The following LAMA1 variants were observed in gnomAD, a reference collection of about 807,000 sequenced individuals.
LAMA1 encodes the protein laminin subunit alpha 1.
Under a neutral mutation model 348.7 loss-of-function variants are expected in LAMA1, and 219 were observed. The ratio of observed to expected loss-of-function variants is 0.63; its 90% CI spans 0.56 to 0.70. LAMA1 has a LOEUF of 0.70. Ranked by LOEUF, LAMA1 falls within the 30% of genes least tolerant of loss-of-function variation. The pLI is 0.00. For missense variants in LAMA1, 3,744 were observed against 3,888.0 expected, an observed-to-expected ratio of 0.96 and a Z score of 0.99; for synonymous variants, 1,487 against 1,491.0, an observed-to-expected ratio of 1.00 and a Z score of 0.06.
chr18:6,953,495 G>C (rs774771551), intron 57 of LAMA1, among the ~76,000 whole-genome samples: 1 of 152,168 alleles, frequency 6.6e-6, no homozygotes, highest in Non-Finnish European at 1.5e-5. Context: ...ACTAGCCGAG[G>C]TTTCAGGCAA....
intron 48 of LAMA1, among the ~76,000 whole-genome samples, chr18:6,969,392 G>A (rs954658696): frequency 2.0e-5 from 3 of 152,146 alleles, no homozygotes; most frequent in Admixed American, 2.0e-4. Context: ...TGCAACTCTA[G>A]CCTCTCCCCA....
At chr18:7,080,110 A>G in intron 2 of LAMA1, 23 bp from the exon 3 acceptor site, 2 of 1,592,570 alleles carry the variant, frequency 1.3e-6, no homozygotes, top group Admixed American at 1.7e-5. Context: ...AATAAAAAAC[A>G]TGAATTCCTC....
rs2057872704 is a variant in LAMA1, at chr18:7,013,865, C to T, written c.3313G>A (p.Glu1105Lys). ...RGTSGDACNL[E>K]QGLCGCVEET... ...TCCACACAGCCGCAGAGACCCTGCT[C>T]CAGGTTGCAGGCGTCCCCCGACGTC... is the stretch of plus-strand genomic sequence containing the variant. Residue 1105 changes from glutamate (E) to lysine (K), a missense_variant, in exon 23 of 63, where the codon GAG becomes AAG. This residue lies in a region of LAMA1 where 1,529 missense variants were observed against 1,689.4 expected (regional missense o/e 0.91). Coordinates refer to ENST00000389658, the MANE Select transcript of LAMA1 (RefSeq NM_005559.4). The T allele has an allele frequency of 2.0e-5, 32 of 1,611,974 alleles. No individual in the cohort carries two copies. Among genetic ancestry groups the T allele is most frequent in the Non-Finnish European group, 2.5e-5 (30 of 1,179,086 alleles).
At chr18:7,057,466 C>CT (rs1171366957) in intron 3 of LAMA1, among the ~76,000 whole-genome samples, 3 of 125,580 alleles carry the variant, frequency 2.4e-5, no homozygotes, top group African/African-American at 9.4e-5. Flanking sequence ...CTTTTCTTTT[C>CT]TTTTCTTTTT....
rs749851433 is a variant in LAMA1 at position 6,971,940 on chromosome 18, C to G, written c.6816G>C (p.Leu2272Phe). 3.7e-6 allele frequency: 6 copies of G among 1,614,054 alleles called. No individual in the cohort carries two copies. Among genetic ancestry groups the G allele is most frequent in the Admixed American group, 1.7e-5 (1 of 60,016 alleles). ...AVKVTHFKGCLGEAFLNGKSI... is the reference protein window; with the variant it reads ...AVKVTHFKGCFGEAFLNGKSI... Reference sequence around the variant, plus strand: ...ATTTTCCATTCAGGAAGGCCTCCCCCAAGCAGCCTTTAAAATGAGTAACCT... The same window carrying G: ...ATTTTCCATTCAGGAAGGCCTCCCCGAAGCAGCCTTTAAAATGAGTAACCT... Residue 2272 changes from leucine to phenylalanine, a missense_variant, in exon 48 of 63, where the codon TTG becomes TTC. By Grantham distance (22) the Leu-to-Phe change is conservative. Around this residue, in one of 3 missense-constraint regions of LAMA1, gnomAD observed 1,983 missense variants for 1,934.3 expected, o/e 1.03. Coordinates refer to ENST00000389658, the MANE Select transcript of LAMA1 (RefSeq NM_005559.4).
intron 46 of LAMA1, among the ~76,000 whole-genome samples, chr18:6,974,455 C>CTTTTTTT (rs1213269695): frequency 3.9e-5 from 5 of 128,290 alleles, no homozygotes; most frequent in African/African-American, 1.2e-4. Context: ...TATTTCTTTT[C>CTTTTTTT]TTTTTTTTTT....
chr18:6,971,906 G>T lies in LAMA1; in HGVS notation c.6850C>A (p.Leu2284Ile). 2 of 1,614,036 alleles carry T rather than the reference G, an allele frequency of 1.2e-6. No individual in the cohort carries two copies. The highest frequency in any genetic ancestry group is 4.5e-5 in the East Asian group (2 of 44,856). Residue 2284 changes from leucine to isoleucine, a missense_variant, in exon 48 of 63, where the codon CTA (leucine) becomes ATA (isoleucine). Coordinates refer to ENST00000389658, the MANE Select transcript of LAMA1 (RefSeq NM_005559.4). ...CCTTCCCTTTCAATATAGTTCCATAGGCCTATGGATTTTCCATTCAGGAAG... is the reference window on the plus strand; with the variant it reads ...CCTTCCCTTTCAATATAGTTCCATATGCCTATGGATTTTCCATTCAGGAAG... ...EAFLNGKSIG[L>I]WNYIEREGKC...
At chr18:7,106,593 C>G (rs1390066572) in intron 1 of LAMA1, among the ~76,000 whole-genome samples, 1 of 152,072 alleles carries the variant, frequency 6.6e-6, no homozygotes, top group Non-Finnish European at 1.5e-5. Context: ...CTCTTGACCT[C>G]GTGATCCACC....
intron 5 of LAMA1, among the ~76,000 whole-genome samples, chr18:7,047,005 A>G (rs2058044153): frequency 6.6e-6 from 1 of 151,702 alleles, no homozygotes; most frequent in Non-Finnish European, 1.5e-5. Context: ...TGTCATCTAC[A>G]AATAATAACA....
rs775263506 is a variant in LAMA1 at position 7,050,885 on chromosome 18, C to T, written c.397G>A (p.Gly133Arg). 32 of 1,614,000 alleles carry T rather than the reference C, an allele frequency of 2.0e-5. No individual in the cohort carries two copies. Among genetic ancestry groups the T allele is most frequent in the African/African-American group, 4.0e-5 (3 of 74,900 alleles). Residue 133 changes from glycine to arginine, a missense_variant, in exon 4 of 63, where the codon GGA becomes AGA. By Grantham distance (125) the Gly-to-Arg change is moderately radical. Around this residue, in one of 3 missense-constraint regions of LAMA1, gnomAD observed 1,529 missense variants for 1,689.4 expected, o/e 0.91. Coordinates refer to ENST00000389658, the MANE Select transcript of LAMA1 (RefSeq NM_005559.4). ...IIKAANAPRP[G>R]NWILERSLDG... ...AGAGAACGCTCCAAAATCCAGTTTCCAGGTCGAGGGGCATTGGCAGCTTTA... is the reference window on the plus strand; with the variant it reads ...AGAGAACGCTCCAAAATCCAGTTTCTAGGTCGAGGGGCATTGGCAGCTTTA...
intron 22 of LAMA1, 130 bp downstream of exon 22, chr18:7,015,592 T>TG (rs2057883481): frequency 8.0e-7 from 1 of 1,243,956 alleles, no homozygotes. Flanking sequence ...CATTGAGTTT[T>TG]TTTTTTTTTT....
intron 17 of LAMA1, among the ~76,000 whole-genome samples, chr18:7,025,710 T>C (rs919948956): frequency 1.3e-5 from 2 of 152,202 alleles, no homozygotes; most frequent in Non-Finnish European, 2.9e-5. Flanking sequence ...CATATACTTG[T>C]GAAACAACTG....
At position 7,038,912 on chromosome 18, in the gene LAMA1, T is replaced by C; in HGVS notation, c.1461A>G (p.Pro487=). 1 of 1,614,050 alleles carries C rather than the reference T, an allele frequency of 6.2e-7. No homozygotes were observed. The highest frequency in any genetic ancestry group is 8.5e-7 in the Non-Finnish European group (1 of 1,179,888). Residue 487 remains proline, a synonymous_variant, in exon 11 of 63, where the codon CCA becomes CCG. Coordinates refer to ENST00000389658, the MANE Select transcript of LAMA1 (RefSeq NM_005559.4). ...VEGKACDRCK[P]GFYNLKEKNP... is the part of the protein sequence containing the mutation. ...TTTTTTCCTTCAAGTTATAGAATCCTGGCTTGCAGCGATCACAGGCCTTCC... is the reference window on the plus strand; with the variant it reads ...TTTTTTCCTTCAAGTTATAGAATCCCGGCTTGCAGCGATCACAGGCCTTCC...
intron 1 of LAMA1, among the ~76,000 whole-genome samples, chr18:7,110,665 T>C (rs2058331971): frequency 6.6e-6 from 1 of 151,924 alleles, no homozygotes. Context: ...CTACTAAAAA[T>C]ATAAAAATTA....
Position 7,080,333 on chromosome 18 carries a change from T to C in LAMA1, c.186A>G (p.Arg62=). ...LVEHVPGRPV[R]NPQCRICDGN... is the part of the protein sequence containing the mutation. ...CATCACAGATCCGGCACTGTGGGTT[T>C]CGGACGGGCCGACCTGGCACATGCT... The change falls in exon 2 of 63, where the codon CGA becomes CGG. Residue 62 remains arginine (R), a synonymous_variant. Transcript: ENST00000389658. 6.2e-7 allele frequency: 1 copy of C among 1,614,244 alleles called. No homozygotes were observed. Among genetic ancestry groups the C allele is most frequent in the Non-Finnish European group, 8.5e-7 (1 of 1,180,054 alleles).
At chr18:6,988,616 A>G (rs2057745453) in intron 36 of LAMA1, among the ~76,000 whole-genome samples, 1 of 152,148 alleles carries the variant, frequency 6.6e-6, no homozygotes, top group Non-Finnish European at 1.5e-5. Flanking sequence ...CCTGGCCAAC[A>G]TGGTGAAACC....
Position 7,043,345 on chromosome 18 carries a change from T to C in LAMA1, c.1037A>G (p.Lys346Arg), listed in dbSNP as rs891105828. 7 of 1,613,996 alleles carry C rather than the reference T, an allele frequency of 4.3e-6. No individual in the cohort carries two copies. In the African/African-American group the frequency reaches 8.0e-5, roughly 18 times the overall value. ...CTGTCCAGCAGTATTCAAACTTTTC[T>C]TCTGCTTTGCAACACTTTCATCATA... ...CYYDESVAKQ[K>R]KSLNTAGQFR... Residue 346 changes from lysine to arginine, a missense_variant, in exon 8 of 63, where the codon AAG becomes AGG. By Grantham distance (26) the Lys-to-Arg change is conservative. Coordinates refer to ENST00000389658, the MANE Select transcript of LAMA1 (RefSeq NM_005559.4).
chr18:6,951,644 AAGAACAGGTCAGG>A (rs1452898606), intron 57 of LAMA1, among the ~76,000 whole-genome samples: 3 of 111,790 alleles, frequency 2.7e-5, no homozygotes, highest in East Asian at 6.0e-4. Flanking sequence ...GTCTAAACTG[AAGAACAGGTCAGG>A]GGGTCAGGGG....
intron 1 of LAMA1, among the ~76,000 whole-genome samples, chr18:7,088,231 C>T (rs2058225458): frequency 6.6e-6 from 1 of 152,180 alleles, no homozygotes; most frequent in Non-Finnish European, 1.5e-5. Context: ...CCCTTCCTCC[C>T]TTCGTCTCCT....
Sources: allele counts gnomAD v4.1 joint callset (sites outside exome capture counted in the v4.1 genomes callset), GRCh38; gene constraint gnomAD v4.1.1; regional missense constraint gnomAD v4.1.1; transcripts MANE v1.5; gene names NCBI Gene and HGNC (gene_info 2026-07-23, HGNC 2026-07-21).